Variants in WWC2 observed in about 807,000 individuals in gnomAD.
WWC2 encodes protein WWC2.
In WWC2, 101 loss-of-function variants were observed where a neutral mutation model predicts 138.5. That is an observed-to-expected ratio of 0.73 (90% CI 0.62 to 0.86). The LOEUF (loss-of-function observed/expected upper bound fraction) is 0.86. Among genes scored for constraint, WWC2 ranks in the 40% least tolerant of loss-of-function variants. The pLI is 0.00. For missense variants in WWC2, 1,420 were observed against 1,419.4 expected, an observed-to-expected ratio of 1.00 and a Z score of -0.01; for synonymous variants, 558 against 538.4, an observed-to-expected ratio of 1.04 and a Z score of -0.50.
At chr4:183,111,858 C>T (rs1313484411) in intron 1 of WWC2, among the ~76,000 whole-genome samples, 2 of 151,886 alleles carry the variant, frequency 1.3e-5, no homozygotes, top group Non-Finnish European at 2.9e-5. Context: ...CAACACCTGG[C>T]TAAGTTTTTT....
rs187143032 is a variant in WWC2 at position 183,296,749 on chromosome 4, C to T, written c.3384+7114C>T. ...GAGATCGAAACCACCCTGGCTAACG[C>T]GGTGAAACCCCCTCTCTACTAAAAA... On this transcript the variant is annotated intron_variant, in intron 21 of 22. Coordinates refer to ENST00000403733, the MANE Select transcript of WWC2 (RefSeq NM_024949.6). 2.7e-3 allele frequency among the ~76,000 whole-genome samples: 404 copies of T among 151,686 alleles called. 1 individual carries two copies. Among genetic ancestry groups the T allele is most frequent in the African/African-American group, 8.6e-3 (357 of 41,382 alleles).
chr4:183,139,168 C>G (rs1167446019), intron 1 of WWC2, among the ~76,000 whole-genome samples: 1 of 152,166 alleles, frequency 6.6e-6, no homozygotes, highest in African/African-American at 2.4e-5. Context: ...TGCCTCCTTC[C>G]TTTAATCAAG....
intron 1 of WWC2, among the ~76,000 whole-genome samples, chr4:183,148,691 A>C (rs571625064): frequency 6.6e-6 from 1 of 152,138 alleles, no homozygotes; most frequent in Non-Finnish European, 1.5e-5. Context: ...CTGTGTTCCT[A>C]TGCAACTTCT....
At chr4:183,291,042 G>A (rs138804869) in intron 21 of WWC2, among the ~76,000 whole-genome samples, 100 of 152,356 alleles carry the variant, frequency 6.6e-4, no homozygotes, top group African/African-American at 2.3e-3. Context: ...AAACCTTCAC[G>A]TTCAGTAGGA....
chr4:183,203,177 CT>C (rs35722099), intron 2 of WWC2, among the ~76,000 whole-genome samples: 27,893 of 138,898 alleles, frequency 0.2, 2,630 homozygotes, highest in East Asian at 0.25. Flanking sequence ...AATTCATTTG[CT>C]TTTTTTTTTT....
At chr4:183,148,534 C>G (rs184346565) in intron 1 of WWC2, among the ~76,000 whole-genome samples, 90 of 152,278 alleles carry the variant, frequency 5.9e-4, no homozygotes, top group Non-Finnish European at 1.1e-3. Context: ...CCCCATTTCT[C>G]TGCTTAAATC....
chr4:183,194,912 G>A (rs1381257080), intron 2 of WWC2, among the ~76,000 whole-genome samples: 1 of 152,136 alleles, frequency 6.6e-6, no homozygotes, highest in Non-Finnish European at 1.5e-5. Flanking sequence ...TGTTACCTCA[G>A]CCTCTTTTAT....
chr4:183,154,026 A>AAAAAAAAAAAAAAAAACAAAAAAAC lies in WWC2; in HGVS notation c.132-39571_132-39570insAAAAAAAAAAAAAACAAAAAAACAA, dbSNP rs1561438959. Among the ~76,000 whole-genome samples, 15 of 145,654 alleles carry AAAAAAAAAAAAAAAAACAAAAAAAC rather than the reference A, an allele frequency of 1.0e-4. 1 individual carries two copies. Among genetic ancestry groups the AAAAAAAAAAAAAAAAACAAAAAAAC allele is most frequent in the African/African-American group, 3.6e-4 (13 of 36,406 alleles). On this transcript the variant is annotated intron_variant, in intron 1 of 22. Transcript: ENST00000403733. Reference sequence around the variant, plus strand: ...GCAAAAAAAAAAAAAAAAAAAAAAAAAACCCCAAATCTAATTCATCATTTA... The same window carrying AAAAAAAAAAAAAAAAACAAAAAAAC: ...GCAAAAAAAAAAAAAAAAAAAAAAAAAAAAAAAAAAAAAAAACAAAAAAACAACCCCAAATCTAATTCATCATTTA...
intron 4 of WWC2, among the ~76,000 whole-genome samples, chr4:183,229,003 GACAAA>G (rs1029299524): frequency 3.9e-5 from 6 of 152,036 alleles, no homozygotes; most frequent in Admixed American, 2.0e-4. Flanking sequence ...GTTCAGAAAA[GACAAA>G]ACTATTTACA....
intron 1 of WWC2, among the ~76,000 whole-genome samples, chr4:183,129,184 C>T (rs559698721): frequency 1.3e-5 from 2 of 152,198 alleles, no homozygotes; most frequent in African/African-American, 2.4e-5. Context: ...TTAGAGCTAA[C>T]GGCTTAAAGA....
At chr4:183,287,421 CAG>C (rs753044136) in intron 20 of WWC2, among the ~76,000 whole-genome samples, 63 of 152,262 alleles carry the variant, frequency 4.1e-4, no homozygotes, top group Non-Finnish European at 6.6e-4. Flanking sequence ...CTCATACTCT[CAG>C]GGGATAGTTT....
At chr4:183,280,483 G>C (rs948197451) in intron 16 of WWC2, among the ~76,000 whole-genome samples, 7 of 151,968 alleles carry the variant, frequency 4.6e-5, no homozygotes, top group Admixed American at 4.6e-4. Flanking sequence ...CTCACCACTA[G>C]AATTGACAAA....
At chr4:183,248,456 A>C (rs1736863886) in intron 6 of WWC2, among the ~76,000 whole-genome samples, 1 of 152,224 alleles carries the variant, frequency 6.6e-6, no homozygotes, top group Admixed American at 6.5e-5. Flanking sequence ...TTTTAAAGAT[A>C]CCGTTCATAG....
intron 1 of WWC2, among the ~76,000 whole-genome samples, chr4:183,170,536 G>A (rs2111162164): frequency 6.6e-6 from 1 of 152,278 alleles, no homozygotes; most frequent in South Asian, 2.1e-4. Flanking sequence ...GTTGGCACAG[G>A]GAGAGGTAAA....
chr4:183,291,441 C>G (rs1171464223), intron 21 of WWC2, among the ~76,000 whole-genome samples: 1 of 152,166 alleles, frequency 6.6e-6, no homozygotes, highest in Non-Finnish European at 1.5e-5. Flanking sequence ...ATCTCAATAA[C>G]CAACATTTTT....
intron 1 of WWC2, among the ~76,000 whole-genome samples, chr4:183,113,516 G>A (rs1285469270): frequency 2.3e-5 from 3 of 132,524 alleles, no homozygotes; most frequent in Non-Finnish European, 3.3e-5. Context: ...GTGTGTGTGT[G>A]CGCGCGCGTG....
At chr4:183,315,001 T>G (rs993811733) in intron 22 of WWC2, among the ~76,000 whole-genome samples, 1 of 152,248 alleles carries the variant, frequency 6.6e-6, no homozygotes, top group African/African-American at 2.4e-5. Flanking sequence ...GCCCCTTGCA[T>G]GTAATATGCC....
chr4:183,201,791 G>A (rs1255997835), intron 2 of WWC2, among the ~76,000 whole-genome samples: 2 of 152,176 alleles, frequency 1.3e-5, no homozygotes, highest in Non-Finnish European at 2.9e-5. Flanking sequence ...AAAATTGATA[G>A]TATTTCTATT....
chr4:183,116,645 TCA>T (rs1422268539), intron 1 of WWC2, among the ~76,000 whole-genome samples: 1 of 152,240 alleles, frequency 6.6e-6, no homozygotes, highest in Non-Finnish European at 1.5e-5. Flanking sequence ...TGAAGTTTCA[TCA>T]CTTAAAGTTT....
Sources: allele counts gnomAD v4.1 joint callset (sites outside exome capture counted in the v4.1 genomes callset), GRCh38; gene constraint gnomAD v4.1.1; transcripts MANE v1.5; gene names NCBI Gene and HGNC (gene_info 2026-07-23, HGNC 2026-07-21).